RLN1: variants seen among roughly 807,000 people sequenced by gnomAD.
The protein encoded by RLN1 is prorelaxin H1.
In RLN1, 4 loss-of-function variants were observed where a neutral mutation model predicts 7.2. The observed-to-expected ratio is 0.56, with a 90% CI of 0.28 to 1.28. RLN1 has a LOEUF of 1.28. Among genes scored for constraint, RLN1 ranks in the 50% most tolerant of loss-of-function variants. RLN1 has a pLI of 0.11. For synonymous variants in RLN1, 105 were observed against 86.0 expected (o/e 1.22, Z -1.22); for missense variants, 293 against 221.1 (o/e 1.32, Z -2.06).
intron 1 of RLN1, among the ~76,000 whole-genome samples, chr9:5,337,075 G>A (rs1206548497): frequency 6.6e-6 from 1 of 151,998 alleles, no homozygotes; most frequent in Admixed American, 6.6e-5. Context: ...ATTCTAAACT[G>A]GAAATGACAG....
upstream of RLN1, among the ~76,000 whole-genome samples, chr9:5,340,290 G>T (rs977695368): frequency 6.6e-6 from 1 of 152,214 alleles, no homozygotes; most frequent in Non-Finnish European, 1.5e-5. Context: ...TGAATAAATT[G>T]TTGATGAGAG....
chr9:5,336,467 C>G (rs1816896058), intron 1 of RLN1, among the ~76,000 whole-genome samples: 1 of 151,942 alleles, frequency 6.6e-6, no homozygotes, highest in South Asian at 2.1e-4. Flanking sequence ...TGCTGGACAC[C>G]CAGCTGACAT....
At chr9:5,336,640 T>C (rs926753996) in intron 1 of RLN1, among the ~76,000 whole-genome samples, 4 of 152,122 alleles carry the variant, frequency 2.6e-5, no homozygotes, top group Non-Finnish European at 5.9e-5. Context: ...ATCCTAATTA[T>C]ACAATTTAAG....
At chr9:5,340,060 C>G (rs1282426273), upstream of RLN1, among the ~76,000 whole-genome samples, 1 of 152,180 alleles carries the variant, frequency 6.6e-6, no homozygotes, top group Non-Finnish European at 1.5e-5. Context: ...TACCCTGAAA[C>G]AACTTTGTAT....
intron 1 of RLN1, among the ~76,000 whole-genome samples, chr9:5,336,597 T>C (rs1241211412): frequency 2.6e-5 from 4 of 152,098 alleles, no homozygotes; most frequent in East Asian, 1.9e-4. Context: ...TCAAAAAACT[T>C]ACAGTGAGCT....
chr9:5,340,862 C>T (rs529866248), upstream of RLN1, among the ~76,000 whole-genome samples: 280 of 152,316 alleles, frequency 1.8e-3, 4 homozygotes, highest in African/African-American at 6.3e-3. Context: ...TCAGCTCCAT[C>T]AGATAAACTG....
Position 5,339,637 on chromosome 9 carries a change from C to A in RLN1, c.110G>T (p.Arg37Leu). The change falls in exon 1 of 2, where the codon CGC becomes CTC. Residue 37 changes from arginine to leucine, a missense_variant. Arg to Leu is a moderately radical substitution (Grantham distance 102, BLOSUM62 -2). Transcript: ENST00000223862. ...GGCAATCTGCGCGCGAACTAATTCGCGGCCGCATAATTTAATAACATCGTC... is the reference window on the plus strand; with the variant it reads ...GGCAATCTGCGCGCGAACTAATTCGAGGCCGCATAATTTAATAACATCGTC... The part of the protein sequence containing the change: ...WKDDVIKLCG[R>L]ELVRAQIAIC... The A allele has an allele frequency of 6.2e-7, 1 of 1,612,702 alleles. No homozygotes were observed. Among genetic ancestry groups the A allele is most frequent in the Non-Finnish European group, 8.5e-7 (1 of 1,180,016 alleles).
At position 5,335,225 on chromosome 9, in the gene RLN1, A is replaced by G. The variant is rs1304807348; in HGVS notation, c.*26T>C. ...CATCAAGACTATGTGTGAAAATTAG[A>G]CAAGATGTGCACAATTAGCTTCATC... On this transcript the variant is annotated 3_prime_UTR_variant, in exon 2 of 2. Coordinates refer to ENST00000223862, the MANE Select transcript of RLN1 (RefSeq NM_006911.4). 7.0e-7 allele frequency: 1 copy of G among 1,422,648 alleles called. No individual in the cohort carries two copies. The highest frequency in any genetic ancestry group is 9.6e-7 in the Non-Finnish European group (1 of 1,040,352). 88.1% of individuals were successfully genotyped at this position (1,422,648 alleles called of 1,614,324 possible). A position where few individuals can be genotyped will look rare whatever the true frequency, so the allele number is the denominator to read the frequency against.
chr9:5,340,117 A>T (rs1816962508), upstream of RLN1, among the ~76,000 whole-genome samples: 1 of 152,202 alleles, frequency 6.6e-6, no homozygotes, highest in Admixed American at 6.5e-5. Flanking sequence ...TTTTACATAC[A>T]CAGAAATAAA....
At chr9:5,340,312 G>A (rs1179325205), upstream of RLN1, among the ~76,000 whole-genome samples, 4 of 152,170 alleles carry the variant, frequency 2.6e-5, no homozygotes, top group Non-Finnish European at 4.4e-5. Context: ...GAAAACTGAT[G>A]ACTTTTAATC....
rs1234395497 is a variant in RLN1, at chr9:5,335,490, G to C, written c.319C>G (p.Pro107Ala). 1.2e-6 allele frequency: 2 copies of C among 1,613,208 alleles called. No homozygotes were observed. Among genetic ancestry groups the C allele is most frequent in the South Asian group, 2.2e-5 (2 of 91,038 alleles). The change falls in exon 2 of 2, where the codon CCA (proline) becomes GCA (alanine). Residue 107 changes from proline (P) to alanine (A), a missense_variant. Pro to Ala is a conservative substitution (Grantham distance 27, BLOSUM62 -1). Coordinates refer to ENST00000223862, the MANE Select transcript of RLN1 (RefSeq NM_006911.4). ...ELKAALSERQ[P>A]SLPELQQYVP... ...TACTGCTGTAGCTCTGGTAATGATG[G>C]TTGCCTCTCAGATAGGGCTGCCTTC...
intron 1 of RLN1, among the ~76,000 whole-genome samples, 180 bp from the exon 2 acceptor site, chr9:5,335,777 A>G (rs1041627584): frequency 2.6e-5 from 4 of 152,018 alleles, no homozygotes; most frequent in Non-Finnish European, 5.9e-5. Context: ...TGGACACCTT[A>G]AAGTACCATA....
Position 5,335,640 on chromosome 9 carries a change from G to A in RLN1, c.212-43C>T, listed in dbSNP as rs760571805. 150 of 1,180,780 alleles carry A rather than the reference G, an allele frequency of 1.3e-4. 2 individuals are homozygous for A. The highest frequency in any genetic ancestry group is 4.4e-5 in the Non-Finnish European group (36 of 825,124). 73.1% of individuals were successfully genotyped at this position (1,180,780 alleles called of 1,614,324 possible). A position where few individuals can be genotyped will look rare whatever the true frequency, so the allele number is the denominator to read the frequency against. ...AAAGTGTATGTGAAGGCGTATTCAC[G>A]TCAAAGAGCATTCAGAAAAACTGTG... On this transcript the variant is annotated intron_variant, in intron 1 of 1. Transcript: ENST00000223862.
chr9:5,336,304 G>A (rs976454852), intron 1 of RLN1, among the ~76,000 whole-genome samples: 8 of 152,074 alleles, frequency 5.3e-5, no homozygotes, highest in Non-Finnish European at 7.4e-5. Flanking sequence ...GTGCTGTGGT[G>A]TAAGTGTACT....
chr9:5,339,435 G>T, intron 1 of RLN1, 101 bp downstream of exon 1: 1 of 747,686 alleles, frequency 1.3e-6, no homozygotes, highest in Non-Finnish European at 2.2e-6. Context: ...CAGCCAATGA[G>T]ATCTCGAGTC....
In RLN1 at chr9:5,339,601, A is replaced by G. The variant is rs777237971; in HGVS notation, c.146T>C (p.Met49Thr). The G allele has an allele frequency of 2.5e-6, 4 of 1,611,594 alleles. No homozygotes were observed. In the East Asian group the frequency reaches 6.7e-5, roughly 27 times the overall value. Reference protein sequence around the residue: ...LVRAQIAICGMSTWSKRSLSQ... With the variant: ...LVRAQIAICGTSTWSKRSLSQ... ...CAGAGACCTTTTGCTCCAGGTGCTC[A>G]TGCCGCAAATGGCAATCTGCGCGCG... Residue 49 changes from methionine to threonine, a missense_variant, in exon 1 of 2, where the codon ATG becomes ACG. Met to Thr is a moderately conservative substitution (Grantham distance 81). Coordinates refer to ENST00000223862, the MANE Select transcript of RLN1 (RefSeq NM_006911.4).
intron 1 of RLN1, among the ~76,000 whole-genome samples, chr9:5,337,443 A>C (rs1816920106): frequency 6.6e-6 from 1 of 152,062 alleles, no homozygotes; most frequent in African/African-American, 2.4e-5. Flanking sequence ...GAATTCATGC[A>C]AATACCCTTA....
Position 5,339,320 on chromosome 9 carries a change from C to G in RLN1, c.211+216G>C, listed in dbSNP as rs1456069101. On this transcript the variant is annotated intron_variant, in intron 1 of 1. Transcript: ENST00000223862. ...GCTTCCTGTTCTCAGTGCTTTCCCT[C>G]CGTCCGGTGAGATTCCCAGTGAGAC... 2.7e-5 allele frequency: 12 copies of G among 443,846 alleles called. No individual in the cohort carries two copies. In the Admixed American group the frequency reaches 5.9e-4, roughly 22 times the overall value. The allele number at this position is 443,846 out of a possible 1,614,324, so 27.5% of individuals were successfully genotyped here.
intron 1 of RLN1, among the ~76,000 whole-genome samples, chr9:5,336,716 C>A (rs1261862062): frequency 1.3e-5 from 2 of 151,954 alleles, no homozygotes; most frequent in East Asian, 1.9e-4. Context: ...CAGATCAGGT[C>A]TTGCTGCTCT....
Sources: gnomAD v4.1 joint callset for allele counts (sites outside exome capture counted in the v4.1 genomes callset) on GRCh38, gnomAD v4.1.1 for gene constraint, MANE v1.5 for transcripts, NCBI Gene and HGNC (gene_info 2026-07-23, HGNC 2026-07-21) for gene names.